Variants in INPP4B observed in about 807,000 individuals in gnomAD.
INPP4B encodes the protein inositol polyphosphate-4-phosphatase type II B.
INPP4B carries 55 observed loss-of-function variants against 122.5 expected under a neutral mutation model. The observed-to-expected ratio is 0.45, with a 90% CI of 0.36 to 0.56. The LOEUF is 0.56. INPP4B is among the 20% of genes least tolerant of loss of function. The probability of loss-of-function intolerance (pLI) is 0.00; values close to 1 mark genes in which losing one functional copy is unlikely to be tolerated. For synonymous variants in INPP4B, 403 were observed against 388.7 expected, an observed-to-expected ratio of 1.04 and a Z score of -0.43; for missense variants, 1,000 against 1,097.7, an observed-to-expected ratio of 0.91 and a Z score of 1.26.
At chr4:142,113,591 G>C (rs111378680) in intron 21 of INPP4B, among the ~76,000 whole-genome samples, 1 of 151,960 alleles carries the variant, frequency 6.6e-6, no homozygotes, top group Admixed American at 6.6e-5. Context: ...CTATGAAATA[G>C]AGACCTGGTA....
At chr4:142,265,135 C>T (rs1221703630) in intron 10 of INPP4B, among the ~76,000 whole-genome samples, 2 of 152,162 alleles carry the variant, frequency 1.3e-5, no homozygotes, top group Admixed American at 1.3e-4. Flanking sequence ...CTGGGACTTC[C>T]TAGCTTCCAG....
intron 14 of INPP4B, among the ~76,000 whole-genome samples, chr4:142,198,580 C>G (rs758649169): frequency 2.6e-5 from 4 of 151,392 alleles, no homozygotes; most frequent in Non-Finnish European, 5.9e-5. Context: ...CCACAATTCC[C>G]TTTTCTTTCC....
At chr4:142,717,348 T>C (rs1200688326) in intron 2 of INPP4B, among the ~76,000 whole-genome samples, 4 of 152,196 alleles carry the variant, frequency 2.6e-5, no homozygotes, top group Non-Finnish European at 5.9e-5. Context: ...CTTAAGTAAC[T>C]AAATTATGTA....
intron 2 of INPP4B, among the ~76,000 whole-genome samples, chr4:142,492,855 C>A (rs1228135023): frequency 1.3e-5 from 2 of 152,134 alleles, no homozygotes; most frequent in Admixed American, 6.6e-5. Flanking sequence ...TGTTAATCAC[C>A]AAGACAATGA....
At chr4:142,277,666 C>CAT (rs147721382) in intron 9 of INPP4B, among the ~76,000 whole-genome samples, 16,265 of 120,958 alleles carry the variant, frequency 0.13, 991 homozygotes, top group South Asian at 0.29. Flanking sequence ...AAGAAAATAT[C>CAT]ATACACACAC....
At chr4:142,684,153 A>T (rs1759015373) in intron 2 of INPP4B, among the ~76,000 whole-genome samples, 1 of 152,016 alleles carries the variant, frequency 6.6e-6, no homozygotes, top group Non-Finnish European at 1.5e-5. Context: ...TTTGTTTAGA[A>T]TTTTTGTGGT....
chr4:142,029,764 G>T (rs562378711), intron 25 of INPP4B: 2 of 996,728 alleles, frequency 2.0e-6, no homozygotes, highest in Non-Finnish European at 2.4e-6. Flanking sequence ...CTTGTCTCAG[G>T]GTTTCAGTGT....
intron 23 of INPP4B, among the ~76,000 whole-genome samples, chr4:142,099,530 G>A (rs1783559082): frequency 6.6e-6 from 1 of 152,068 alleles, no homozygotes. Flanking sequence ...ATAGTCTAAT[G>A]TATAGTTTCT....
chr4:142,321,529 T>C (rs1770019332), intron 7 of INPP4B, among the ~76,000 whole-genome samples: 1 of 152,162 alleles, frequency 6.6e-6, no homozygotes, highest in African/African-American at 2.4e-5. Context: ...AGGGTTTTTC[T>C]AATGTTATCT....
At chr4:142,263,688 A>T (rs1192625849) in intron 10 of INPP4B, among the ~76,000 whole-genome samples, 3 of 122,462 alleles carry the variant, frequency 2.4e-5, no homozygotes, top group Non-Finnish European at 5.3e-5. Flanking sequence ...ATAACATTGA[A>T]CAATGACAAG....
intron 17 of INPP4B, among the ~76,000 whole-genome samples, chr4:142,156,766 T>C (rs1384392832): frequency 6.6e-6 from 1 of 152,062 alleles, no homozygotes; most frequent in African/African-American, 2.4e-5. Flanking sequence ...TGATTTAGAG[T>C]GAGCAGGATT....
intron 9 of INPP4B, among the ~76,000 whole-genome samples, chr4:142,271,582 C>T (rs1018284014): frequency 5.9e-5 from 9 of 152,156 alleles, no homozygotes; most frequent in Non-Finnish European, 8.8e-5. Flanking sequence ...TGTTTACATG[C>T]TACTAAGTAC....
At chr4:142,454,533 T>C (rs972470573) in intron 3 of INPP4B, among the ~76,000 whole-genome samples, 7 of 152,028 alleles carry the variant, frequency 4.6e-5, no homozygotes, top group Non-Finnish European at 1.0e-4. Flanking sequence ...TGTTTTGGAG[T>C]CTTTCCTGTA....
chr4:142,807,610 G>T (rs1490091582), intron 1 of INPP4B, among the ~76,000 whole-genome samples: 1 of 152,150 alleles, frequency 6.6e-6, no homozygotes, highest in African/African-American at 2.4e-5. Flanking sequence ...ATACACATTG[G>T]AAGGAGCAAG....
intron 1 of INPP4B, among the ~76,000 whole-genome samples, chr4:142,731,828 A>C (rs908436023): frequency 3.9e-5 from 6 of 152,172 alleles, no homozygotes; most frequent in African/African-American, 1.4e-4. Flanking sequence ...CTTAGGGTGC[A>C]TTAGTGGAGG....
intron 16 of INPP4B, among the ~76,000 whole-genome samples, chr4:142,170,714 G>A (rs996109166): frequency 1.3e-5 from 2 of 151,730 alleles, no homozygotes; most frequent in African/African-American, 4.8e-5. Context: ...AGCTATTACT[G>A]TCACTTCAAC....
intron 2 of INPP4B, among the ~76,000 whole-genome samples, chr4:142,632,267 T>C (rs1340708036): frequency 2.6e-5 from 4 of 151,998 alleles, no homozygotes; most frequent in Non-Finnish European, 5.9e-5. Context: ...AAAAAGAAAA[T>C]GAAATTCTGC....
At chr4:142,156,290 T>C (rs987345680) in intron 17 of INPP4B, among the ~76,000 whole-genome samples, 12 of 152,094 alleles carry the variant, frequency 7.9e-5, no homozygotes, top group South Asian at 2.1e-4. Flanking sequence ...TATAGTAATT[T>C]TGAAATTAAA....
chr4:142,838,833 G>A (rs1783134379), intron 1 of INPP4B, among the ~76,000 whole-genome samples: 2 of 152,190 alleles, frequency 1.3e-5, no homozygotes, highest in African/African-American at 4.8e-5. Flanking sequence ...TATTTCAGGA[G>A]ATCAATGACA....
Sources: gnomAD v4.1 joint callset for allele counts (sites outside exome capture counted in the v4.1 genomes callset) on GRCh38, gnomAD v4.1.1 for gene constraint, MANE v1.5 for transcripts, NCBI Gene and HGNC (gene_info 2026-07-23, HGNC 2026-07-21) for gene names.